CDH23: variants seen among roughly 807,000 people sequenced by gnomAD.
CDH23 encodes cadherin related 23.
CDH23 carries 189 observed loss-of-function variants against 317.1 expected under a neutral mutation model. The ratio of observed to expected loss-of-function variants is 0.60; its 90% CI spans 0.53 to 0.67. The LOEUF (loss-of-function observed/expected upper bound fraction) is 0.67. Ranked by LOEUF, CDH23 falls within the 30% of genes least tolerant of loss-of-function variation. CDH23 has a pLI of 0.00. For synonymous variants in CDH23, 1,839 were observed against 1,876.8 expected (o/e 0.98, Z 0.52); for missense variants, 4,401 against 4,592.4 (o/e 0.96, Z 1.20).
chr10:71,808,824 G>A (rs1308370957), intron 60 of CDH23, among the ~76,000 whole-genome samples: 1 of 152,040 alleles, frequency 6.6e-6, no homozygotes, highest in South Asian at 2.1e-4. Context: ...CATCCCCACG[G>A]CCTGCTCTCT....
At chr10:71,440,758 C>A (rs1177022234) in intron 2 of CDH23, among the ~76,000 whole-genome samples, 3 of 152,164 alleles carry the variant, frequency 2.0e-5, no homozygotes, top group Non-Finnish European at 4.4e-5. Context: ...TGAAGGCAGG[C>A]CAGGAGAGCA....
At chr10:71,718,291 C>T (rs556015392) in intron 28 of CDH23, among the ~76,000 whole-genome samples, 1 of 152,354 alleles carries the variant, frequency 6.6e-6, no homozygotes, top group South Asian at 2.1e-4. Flanking sequence ...TCACCAGCAG[C>T]CGCAGGACCT....
At chr10:71,403,404 T>TCTTCC (rs1564558186) in intron 1 of CDH23, among the ~76,000 whole-genome samples, 2 of 78,590 alleles carry the variant, frequency 2.5e-5, no homozygotes. Context: ...TCTTTCTTTC[T>TCTTCC]TTCTCTTCCT....
In CDH23 at chr10:71,791,134, G is replaced by A. The variant is rs775490970; in HGVS notation, c.6052G>A (p.Val2018Met). 3 of 1,605,298 alleles carry A rather than the reference G, an allele frequency of 1.9e-6. No homozygotes were observed. The highest frequency in any genetic ancestry group is 2.6e-6 in the Non-Finnish European group (3 of 1,176,194). Residue 2018 changes from valine (V) to methionine (M), a missense_variant and splice_region_variant, in exon 47 of 70, where the codon GTG becomes ATG. Val to Met is a conservative substitution (Grantham distance 21). Around this residue, in one of 3 missense-constraint regions of CDH23, gnomAD observed 3,068 missense variants for 3,203.3 expected, o/e 0.96. Transcript: ENST00000224721. ...TGGCTGGCGGCACCGGGTGCCAGGT[G>A]TGGTGACCGTGAGGTCAGGTGTCAT... ...GLFDINSSTG[V>M]VTVRSGVIID...
chr10:71,617,453 C>T, intron 11 of CDH23, 60 bp downstream of exon 11: 1 of 1,580,072 alleles, frequency 6.3e-7, no homozygotes, highest in South Asian at 1.1e-5. Context: ...CACCACCCTG[C>T]CTGGGCTGTT....
chr10:71,477,960 C>G (rs1023369998), intron 3 of CDH23, among the ~76,000 whole-genome samples: 5 of 152,130 alleles, frequency 3.3e-5, no homozygotes, highest in Non-Finnish European at 7.3e-5. Context: ...TACTTTTTCT[C>G]TTCTCCACAC....
chr10:71,724,824 T>C (rs1866735914), intron 29 of CDH23, among the ~76,000 whole-genome samples: 1 of 152,112 alleles, frequency 6.6e-6, no homozygotes, highest in African/African-American at 2.4e-5. Context: ...GAATCAGGGG[T>C]AAAGTCACTG....
At chr10:71,501,504 G>A (rs1853332361) in intron 3 of CDH23, among the ~76,000 whole-genome samples, 1 of 152,296 alleles carries the variant, frequency 6.6e-6, no homozygotes, top group Admixed American at 6.5e-5. Flanking sequence ...CCTCTCAGGA[G>A]AGAACCGGCC....
At chr10:71,726,363 T>C (rs1779657388) in intron 30 of CDH23, among the ~76,000 whole-genome samples, 1 of 151,956 alleles carries the variant, frequency 6.6e-6, no homozygotes, top group Admixed American at 6.6e-5. Flanking sequence ...ACCCCCTGCT[T>C]CCCCCAGGCT....
chr10:71,610,371 A>G (rs570513405), intron 9 of CDH23, among the ~76,000 whole-genome samples: 1 of 152,244 alleles, frequency 6.6e-6, no homozygotes, highest in African/African-American at 2.4e-5. Context: ...ATGATCTCTT[A>G]TTTGCCTCAT....
chr10:71,687,279 C>T (rs944909389), intron 18 of CDH23, among the ~76,000 whole-genome samples: 1 of 152,212 alleles, frequency 6.6e-6, no homozygotes, highest in Non-Finnish European at 1.5e-5. Context: ...GCATCCCCAG[C>T]ATGGGAGCTG....
chr10:71,782,016 T>G (rs1338261698), intron 41 of CDH23, among the ~76,000 whole-genome samples: 3 of 152,218 alleles, frequency 2.0e-5, no homozygotes. Flanking sequence ...AGTGCACCAC[T>G]GCATGGAGGG....
At chr10:71,759,864 C>T (rs1372596282) in intron 38 of CDH23, among the ~76,000 whole-genome samples, 4 of 102,120 alleles carry the variant, frequency 3.9e-5, no homozygotes, top group African/African-American at 6.8e-5. Context: ...CACACACACA[C>T]ATATATATAC....
intron 1 of CDH23, among the ~76,000 whole-genome samples, chr10:71,437,746 T>C (rs1029966956): frequency 2.0e-5 from 3 of 152,250 alleles, no homozygotes; most frequent in Admixed American, 2.0e-4. Context: ...GTGAAAAGCC[T>C]GATTTCTAGT....
chr10:71,469,209 C>A (rs1357546477), intron 3 of CDH23, among the ~76,000 whole-genome samples: 1 of 152,218 alleles, frequency 6.6e-6, no homozygotes, highest in Non-Finnish European at 1.5e-5. Flanking sequence ...TCAACATAGG[C>A]ACACGCCCTT....
chr10:71,511,266 A>T (rs757315611), intron 6 of CDH23, 54 bp downstream of exon 6: 9 of 1,464,090 alleles, frequency 6.1e-6, no homozygotes, highest in Non-Finnish European at 7.7e-6. Flanking sequence ...TGCTCCCCAG[A>T]CCACCATGGT....
At chr10:71,467,134 C>T (rs942860100) in intron 3 of CDH23, among the ~76,000 whole-genome samples, 24 of 151,834 alleles carry the variant, frequency 1.6e-4, no homozygotes, top group African/African-American at 5.1e-4. Flanking sequence ...AGAATGGCTC[C>T]GCGAGCCCCT....
intron 11 of CDH23, among the ~76,000 whole-genome samples, chr10:71,636,492 G>C (rs145603150): frequency 2.0e-3 from 298 of 152,334 alleles, no homozygotes; most frequent in Non-Finnish European, 3.6e-3. Context: ...CTGGGTGACA[G>C]AGTGAGACTC....
intron 1 of CDH23, among the ~76,000 whole-genome samples, chr10:71,408,311 C>G (rs1406730049): frequency 6.6e-6 from 1 of 152,158 alleles, no homozygotes; most frequent in Non-Finnish European, 1.5e-5. Context: ...TGAGCTCTCA[C>G]ACTTATTCAG....
Sources: gnomAD v4.1 joint callset for allele counts (sites outside exome capture counted in the v4.1 genomes callset) on GRCh38, gnomAD v4.1.1 for gene constraint, gnomAD v4.1.1 regional missense constraint, MANE v1.5 for transcripts, NCBI Gene and HGNC (gene_info 2026-07-23, HGNC 2026-07-21) for gene names.